C6orf118: variants seen among roughly 807,000 people sequenced by gnomAD.
The protein encoded by C6orf118 is uncharacterized protein C6orf118.
Under a neutral mutation model 50.2 loss-of-function variants are expected in C6orf118, and 50 were observed. The observed-to-expected ratio is 1.00, with a 90% confidence interval of 0.79 to 1.26. The LOEUF (loss-of-function observed/expected upper bound fraction) is 1.26, where lower values mean the gene tolerates loss of function less well. C6orf118 is among the 50% of genes most tolerant of loss of function. The pLI is 0.00. For synonymous variants in C6orf118, 239 were observed against 230.9 expected, an observed-to-expected ratio of 1.03 and a Z score of -0.32; for missense variants, 641 against 578.7, an observed-to-expected ratio of 1.11 and a Z score of -1.10.
chr6:165,298,189 A>T, intron 4 of C6orf118, 88 bp from the exon 5 acceptor site: 1 of 1,418,710 alleles, frequency 7.0e-7, no homozygotes, highest in Non-Finnish European at 9.2e-7. Context: ...TGCGTTTTCA[A>T]GGTGCCCTGG....
intron 7 of C6orf118, among the ~76,000 whole-genome samples, chr6:165,288,050 T>G (rs1218987306): frequency 6.6e-6 from 1 of 152,092 alleles, no homozygotes; most frequent in East Asian, 1.9e-4. Flanking sequence ...ATGTCTAATG[T>G]TCACAATCTA....
intron 7 of C6orf118, among the ~76,000 whole-genome samples, chr6:165,285,497 C>G (rs1158997882): frequency 2.0e-5 from 3 of 152,124 alleles, no homozygotes; most frequent in Non-Finnish European, 2.9e-5. Flanking sequence ...ACAGAATATG[C>G]ATTCTTCTCA....
intron 5 of C6orf118, among the ~76,000 whole-genome samples, chr6:165,295,503 T>G (rs1315544675): frequency 6.6e-6 from 1 of 152,228 alleles, no homozygotes; most frequent in Non-Finnish European, 1.5e-5. Context: ...TCTTTTCTCA[T>G]AGTAGTTTGT....
chr6:165,300,750 C>T (rs1213278154), intron 2 of C6orf118, among the ~76,000 whole-genome samples: 2 of 152,062 alleles, frequency 1.3e-5, no homozygotes, highest in Non-Finnish European at 2.9e-5. Context: ...AGCATTCACT[C>T]TCCGCCTCCA....
At chr6:165,286,363 C>T (rs1160151803) in intron 7 of C6orf118, among the ~76,000 whole-genome samples, 4 of 152,270 alleles carry the variant, frequency 2.6e-5, no homozygotes, top group Non-Finnish European at 5.9e-5. Flanking sequence ...CAAACAGGAA[C>T]TGGCACCATT....
rs770266930 is a variant in C6orf118 at position 165,302,231 on chromosome 6, C to T, written c.91G>A (p.Glu31Lys). Residue 31 changes from glutamate (E) to lysine (K), a missense_variant, in exon 2 of 9, where the codon GAG becomes AAG. By Grantham distance (56) the Glu-to-Lys change is moderately conservative (BLOSUM62 1). Transcript: ENST00000230301. ...CACAGGGTCTTCACTCCTGGCGTCTCGCAGTGCTTCAGATTACACAGGGTC... is the reference window on the plus strand; with the variant it reads ...CACAGGGTCTTCACTCCTGGCGTCTTGCAGTGCTTCAGATTACACAGGGTC... ...VKTLCNLKHC[E>K]TPGVKTLCNL... 1.7e-5 allele frequency: 28 copies of T among 1,613,662 alleles called. No individual in the cohort carries two copies. Among genetic ancestry groups the T allele is most frequent in the South Asian group, 3.3e-5 (3 of 91,028 alleles).
intron 5 of C6orf118, 87 bp downstream of exon 5, chr6:165,297,890 C>A: frequency 6.3e-7 from 1 of 1,580,040 alleles, no homozygotes; most frequent in South Asian, 1.1e-5. Context: ...ACGCAGAAAT[C>A]AATGTAACCG....
At chr6:165,297,254 C>A (rs1255937638) in intron 5 of C6orf118, among the ~76,000 whole-genome samples, 1 of 151,934 alleles carries the variant, frequency 6.6e-6, no homozygotes, top group Non-Finnish European at 1.5e-5. Context: ...AACCCTGTCT[C>A]TACTAAAAAT....
At chr6:165,303,187 CA>C (rs1277755539) in intron 1 of C6orf118, among the ~76,000 whole-genome samples, 1 of 152,152 alleles carries the variant, frequency 6.6e-6, no homozygotes, top group Non-Finnish European at 1.5e-5. Context: ...CTGAGTCAAC[CA>C]AGGCGGCTGA....
intron 6 of C6orf118, 92 bp from the exon 7 acceptor site, chr6:165,290,159 T>C (rs1003429996): frequency 1.4e-6 from 1 of 731,282 alleles, no homozygotes; most frequent in Admixed American, 3.2e-5. Context: ...TTATGTATGC[T>C]ATAGTATATA....
At chr6:165,297,524 A>G (rs1780353922) in intron 5 of C6orf118, among the ~76,000 whole-genome samples, 1 of 152,048 alleles carries the variant, frequency 6.6e-6, no homozygotes, top group African/African-American at 2.4e-5. Context: ...GCTCTTGAAG[A>G]TATTTTGGAT....
chr6:165,299,648 G>C, intron 3 of C6orf118, 146 bp from the exon 4 acceptor site: 1 of 603,100 alleles, frequency 1.7e-6, no homozygotes, highest in South Asian at 2.3e-5. Flanking sequence ...TGCATTAAAC[G>C]GTATACATGC....
rs1271462929 is a variant in C6orf118, at chr6:165,289,178, A to C, written c.1302+708T>G. The stretch of plus-strand genomic sequence containing the variant: ...CACACAGCCATGTCCCCCCTCCAAA[A>C]AAAAAAAGAAAAAGAAAAAGAAAAA... On this transcript the variant is annotated intron_variant, in intron 7 of 8. Coordinates refer to ENST00000230301, the MANE Select transcript of C6orf118 (RefSeq NM_144980.4). Among the ~76,000 whole-genome samples, 4 of 151,318 alleles carry C rather than the reference A, an allele frequency of 2.6e-5. No individual in the cohort carries two copies. The East Asian group carries it at 7.7e-4, about 29-fold the overall frequency.
intron 2 of C6orf118, 78 bp from the exon 3 acceptor site, chr6:165,300,564 A>G: frequency 7.0e-7 from 1 of 1,421,864 alleles, no homozygotes; most frequent in South Asian, 1.3e-5. Flanking sequence ...GGAGTCAGTG[A>G]GGACACAGCT....
At chr6:165,290,480 G>A (rs910777931) in intron 6 of C6orf118, among the ~76,000 whole-genome samples, 53 of 152,118 alleles carry the variant, frequency 3.5e-4, no homozygotes, top group African/African-American at 1.2e-3. Flanking sequence ...TGCCAGAGAA[G>A]TGTGGCTAGG....
At chr6:165,303,023 C>T (rs903712538) in intron 1 of C6orf118, among the ~76,000 whole-genome samples, 2 of 152,186 alleles carry the variant, frequency 1.3e-5, no homozygotes, top group African/African-American at 4.8e-5. Flanking sequence ...ACAAGAGCAG[C>T]CCAGATTTGC....
intron 3 of C6orf118, among the ~76,000 whole-genome samples, 172 bp downstream of exon 3, chr6:165,300,192 C>A (rs961349269): frequency 6.6e-6 from 1 of 152,094 alleles, no homozygotes; most frequent in Admixed American, 6.5e-5. Context: ...TGGCCCCTTA[C>A]AATTTACGTG....
intron 5 of C6orf118, among the ~76,000 whole-genome samples, chr6:165,294,617 G>A (rs1562328917): frequency 6.6e-6 from 1 of 152,134 alleles, no homozygotes; most frequent in Non-Finnish European, 1.5e-5. Flanking sequence ...CAGGTGTGGT[G>A]ACTCATGCCT....
In C6orf118 at chr6:165,280,056, G is replaced by A. The variant is rs780395167; in HGVS notation, c.*1C>T. The A allele has an allele frequency of 2.7e-5, 43 of 1,603,922 alleles. No individual in the cohort carries two copies. Among genetic ancestry groups the A allele is most frequent in the Middle Eastern group, 1.7e-4 (1 of 6,028 alleles). ...TGGCCATTTGTTCAGCCACTTGAGC[G>A]TTATCTTCTGTTTCCTCTGATTTTA... is the stretch of plus-strand genomic sequence containing the variant. On this transcript the variant is annotated 3_prime_UTR_variant, in exon 9 of 9. Transcript: ENST00000230301.
Sources: allele counts gnomAD v4.1 joint callset (sites outside exome capture counted in the v4.1 genomes callset), GRCh38; gene constraint gnomAD v4.1.1; transcripts MANE v1.5; gene names NCBI Gene and HGNC (gene_info 2026-07-23, HGNC 2026-07-21).